The following PLXNB1 variants were observed in gnomAD, a reference collection of about 807,000 sequenced individuals.
PLXNB1 encodes plexin B1.
A neutral mutation model predicts 209.4 loss-of-function variants in PLXNB1; 106 were observed. The ratio of observed to expected loss-of-function variants is 0.51; its 90% CI spans 0.43 to 0.59. The LOEUF (loss-of-function observed/expected upper bound fraction) is 0.59, where lower values mean the gene tolerates loss of function less well. Among genes scored for constraint, PLXNB1 ranks in the 20% least tolerant of loss-of-function variants. The pLI is 0.00. For missense variants in PLXNB1, 2,357 were observed against 2,853.2 expected (o/e 0.83, Z 3.96); for synonymous variants, 1,167 against 1,183.2 (o/e 0.99, Z 0.28).
rs762999242 is a variant in PLXNB1, at chr3:48,412,561, T to A, written c.4914A>T (p.Ala1638=). The A allele has an allele frequency of 9.3e-6, 15 of 1,613,492 alleles. No individual in the cohort carries two copies. The African/African-American group carries it at 1.9e-4, about 20-fold the overall frequency. Residue 1638 remains alanine, a synonymous_variant, in exon 26 of 38, where the codon GCA becomes GCT. Coordinates refer to ENST00000296440, the MANE Select transcript of PLXNB1 (RefSeq NM_001130082.3). ...TFSARDRAYV[A]SLLTVALHGK... is the part of the protein sequence containing the mutation. ...CATGCAGTGCCACGGTGAGCAGAGATGCCACGTAGGCACGGTCCCGAGCTG... is the reference window on the plus strand; with the variant it reads ...CATGCAGTGCCACGGTGAGCAGAGAAGCCACGTAGGCACGGTCCCGAGCTG...
Position 48,406,567 on chromosome 3 carries a change from C to T in PLXNB1, c.6228+256G>A, listed in dbSNP as rs2106719503. 1.0e-6 allele frequency: 1 copy of T among 985,410 alleles called. No homozygotes were observed. The highest frequency in any genetic ancestry group is 5.2e-4 in the Middle Eastern group (1 of 1,914). The allele number at this position is 985,410 out of a possible 1,614,324, so 61.0% of individuals were successfully genotyped here. A position where few individuals can be genotyped will look rare whatever the true frequency, so the allele number is the denominator to read the frequency against. The stretch of plus-strand genomic sequence containing the variant: ...CAGGCCTGGGGCTGAATCCCAGCTA[C>T]CTTGCAAGAGCCTGGCTGAATCAGG... On this transcript the variant is annotated intron_variant, in intron 36 of 37. Transcript: ENST00000296440. The surrounding 1 kb of genome is among the most constrained non-coding windows in gnomAD (Gnocchi z 4.4).
Position 48,415,318 on chromosome 3 carries a change from T to G in PLXNB1, c.3824A>C (p.Gln1275Pro). Reference protein sequence around the residue: ...SGGREICVRGQNLDVVQTPRI... With the variant: ...SGGREICVRGPNLDVVQTPRI... ...TGGCGTCTGTACCACGTCCAGATTC[T>G]GGCCACGGACGCATATCTCACGTCC... The change falls in exon 20 of 38, where the codon CAG becomes CCG. Residue 1275 changes from glutamine to proline, a missense_variant. Gln to Pro is a moderately conservative substitution (Grantham distance 76). Transcript: ENST00000296440. This position sits in a 1 kb window ranked among gnomAD's most constrained non-coding sequence, Gnocchi z 5.0. The G allele has an allele frequency of 6.2e-7, 1 of 1,613,618 alleles. No individual in the cohort carries two copies. The highest frequency in any genetic ancestry group is 8.5e-7 in the Non-Finnish European group (1 of 1,179,996).
rs1018044914 is a variant in PLXNB1 at position 48,423,713 on chromosome 3, G to C, written c.899C>G (p.Ala300Gly). The C allele has an allele frequency of 1.5e-5, 24 of 1,613,640 alleles. No individual in the cohort carries two copies. In the East Asian group the frequency reaches 5.3e-4, roughly 36 times the overall value. The part of the protein sequence containing the change: ...GEVLFAAFSS[A>G]APPTVGRPPS... ...GGGCCGGCCCACAGTGGGGGGTGCA[G>C]CCGAGGAGAAAGCTGCAAAGAGCAC... Residue 300 changes from alanine (A) to glycine (G), a missense_variant, in exon 3 of 38, where the codon GCT (alanine) becomes GGT (glycine). This residue lies in a region of PLXNB1 where 404 missense variants were observed against 443.6 expected (regional missense o/e 0.91). Transcript: ENST00000296440.
rs781123392 is a variant in PLXNB1 at position 48,419,066 on chromosome 3, G to C, written c.2833-27C>G. On this transcript the variant is annotated intron_variant, in intron 12 of 37. Transcript: ENST00000296440. The surrounding 1 kb of genome is among the most constrained non-coding windows in gnomAD (Gnocchi z 5.7). ...TGAGGGCAGAGAACACAGCTGTTGG[G>C]CAGCTTCAGGAGCTGGGCCCAGGGA... 10 of 1,610,776 alleles carry C rather than the reference G, an allele frequency of 6.2e-6. No homozygotes were observed. The highest frequency in any genetic ancestry group is 8.5e-6 in the Non-Finnish European group (10 of 1,177,474).
rs1289999433 is a variant in PLXNB1, at chr3:48,411,815, C to G, written c.5247+48G>C. The G allele has an allele frequency of 6.3e-7, 1 of 1,597,662 alleles. No individual in the cohort carries two copies. Among genetic ancestry groups the G allele is most frequent in the East Asian group, 2.2e-5 (1 of 44,822 alleles). On this transcript the variant is annotated intron_variant, in intron 28 of 37. Transcript: ENST00000296440. The surrounding 1 kb of genome is among the most constrained non-coding windows in gnomAD (Gnocchi z 4.0). ...CACACACCCACACACTCTCCACCCTCGCCCTCACCGCACTCAGACTGCAGG... is the reference window on the plus strand; with the variant it reads ...CACACACCCACACACTCTCCACCCTGGCCCTCACCGCACTCAGACTGCAGG...
Position 48,422,953 on chromosome 3 carries a change from G to C in PLXNB1, c.1108-6C>G. The C allele has an allele frequency of 6.2e-7, 1 of 1,609,278 alleles. No individual in the cohort carries two copies. Among genetic ancestry groups the C allele is most frequent in the Non-Finnish European group, 8.5e-7 (1 of 1,176,656 alleles). On this transcript the variant is annotated splice_region_variant and splice_polypyrimidine_tract_variant and intron_variant, in intron 3 of 37. Transcript: ENST00000296440. ...GGATAAGCATCCAGGGTGTCCTATA[G>C]GCAGCAAGAAGCATCAGGAAGGCCC...
At chr3:48,428,568 A>G (rs1302574355) in intron 1 of PLXNB1, among the ~76,000 whole-genome samples, 1 of 152,224 alleles carries the variant, frequency 6.6e-6, no homozygotes, top group Non-Finnish European at 1.5e-5. Context: ...GCCATAGGAC[A>G]GCCCACATTT....
chr3:48,417,925 G>A lies in PLXNB1; in HGVS notation c.3360C>T (p.Tyr1120=), dbSNP rs370628960. The A allele has an allele frequency of 8.7e-6, 14 of 1,610,872 alleles. No homozygotes were observed. Among genetic ancestry groups the A allele is most frequent in the South Asian group, 6.6e-5 (6 of 91,000 alleles). The change falls in exon 16 of 38, where the codon TAC becomes TAT. Residue 1120 remains tyrosine, a synonymous_variant. Coordinates refer to ENST00000296440, the MANE Select transcript of PLXNB1 (RefSeq NM_001130082.3). The surrounding 1 kb of genome is among the most constrained non-coding windows in gnomAD (Gnocchi z 4.4). ...AGCCAGCTTACCTGCTGGAGACCTC[G>A]TACTCCTGGGCATCCACAGCACAGG... ...GVPCAVDAQE[Y]EVSSSLVCIT...
At chr3:48,407,838 C>G (rs2106735840) in intron 34 of PLXNB1, among the ~76,000 whole-genome samples, 1 of 152,264 alleles carries the variant, frequency 6.6e-6, no homozygotes, top group South Asian at 2.1e-4. Flanking sequence ...AGGGGAGGTA[C>G]TGGAAGGATC....
At position 48,416,876 on chromosome 3, in the gene PLXNB1, C is replaced by T. The variant is rs1364927196; in HGVS notation, c.3375-425G>A. ...TTCAGGAAAAAGAGTCCCTGAAAGC[C>T]TCTAGTCAGACAGGGAAATACAGGT... On this transcript the variant is annotated intron_variant, in intron 16 of 37. Transcript: ENST00000296440. This position sits in a 1 kb window ranked among gnomAD's most constrained non-coding sequence, Gnocchi z 4.1. 1 of 155,502 alleles carries T rather than the reference C, an allele frequency of 6.4e-6. No individual in the cohort carries two copies. The highest frequency in any genetic ancestry group is 2.4e-5 in the African/African-American group (1 of 41,564). The allele number at this position is 155,502 out of a possible 1,614,324, so 9.6% of individuals were successfully genotyped here.
At position 48,418,582 on chromosome 3, in the gene PLXNB1, G is replaced by A. The variant is rs201134235; in HGVS notation, c.2956-40C>T. 536 of 1,500,434 alleles carry A rather than the reference G, an allele frequency of 3.6e-4. 2 individuals are homozygous for A. The highest frequency in any genetic ancestry group is 3.2e-4 in the Non-Finnish European group (357 of 1,098,732). 92.9% of individuals were successfully genotyped at this position (1,500,434 alleles called of 1,614,324 possible). ...GTGGGTTCAGAGTCAAGCACTGGGG[G>A]AAGTGTCAGGCCTGGGGAGGGGTTA... On this transcript the variant is annotated intron_variant, in intron 13 of 37. Transcript: ENST00000296440. The surrounding 1 kb of genome is among the most constrained non-coding windows in gnomAD (Gnocchi z 6.6).
In PLXNB1 at chr3:48,417,823, T is replaced by C; in HGVS notation, c.3374+88A>G. The stretch of plus-strand genomic sequence containing the variant: ...AGGAACAGGGAGAGAGGGGGGCAGA[T>C]GAGCGGTGGGTGGGAGGCCCCAAGC... On this transcript the variant is annotated intron_variant, in intron 16 of 37. Coordinates refer to ENST00000296440, the MANE Select transcript of PLXNB1 (RefSeq NM_001130082.3). This position sits in a 1 kb window ranked among gnomAD's most constrained non-coding sequence, Gnocchi z 4.4. 7.3e-7 allele frequency: 1 copy of C among 1,364,780 alleles called. No individual in the cohort carries two copies. Among genetic ancestry groups the C allele is most frequent in the Non-Finnish European group, 1.0e-6 (1 of 987,010 alleles). 84.5% of individuals were successfully genotyped at this position (1,364,780 alleles called of 1,614,324 possible).
intron 1 of PLXNB1, among the ~76,000 whole-genome samples, chr3:48,427,867 C>A (rs2107040402): frequency 6.6e-6 from 1 of 152,354 alleles, no homozygotes; most frequent in East Asian, 1.9e-4. Context: ...CCCTGACAGG[C>A]ACGGCCGCTC....
In PLXNB1 at chr3:48,411,803, A is replaced by G; in HGVS notation, c.5247+60T>C. ...GTGTCCAGACCCCACACACCCACAC[A>G]CTCTCCACCCTCGCCCTCACCGCAC... On this transcript the variant is annotated intron_variant, in intron 28 of 37. Transcript: ENST00000296440. The surrounding 1 kb of genome is among the most constrained non-coding windows in gnomAD (Gnocchi z 4.0). 1 of 1,576,908 alleles carries G rather than the reference A, an allele frequency of 6.3e-7. No individual in the cohort carries two copies. Among genetic ancestry groups the G allele is most frequent in the Non-Finnish European group, 8.6e-7 (1 of 1,158,180 alleles).
Position 48,414,843 on chromosome 3 carries a change from T to G in PLXNB1, c.4165A>C (p.Thr1389Pro). ...TLQPLNPEDP[T>P]MPFRHKPGSV... Reference sequence around the variant, plus strand: ...CCAGGCTTGTGCCGGAATGGCATGGTGGGGTCCTCAGGGTTGAGTGGCTGC... The same window carrying G: ...CCAGGCTTGTGCCGGAATGGCATGGGGGGGTCCTCAGGGTTGAGTGGCTGC... Residue 1389 changes from threonine to proline, a missense_variant, in exon 21 of 38, where the codon ACC becomes CCC. Transcript: ENST00000296440. 4 of 1,613,992 alleles carry G rather than the reference T, an allele frequency of 2.5e-6. No individual in the cohort carries two copies. The highest frequency in any genetic ancestry group is 3.4e-6 in the Non-Finnish European group (4 of 1,180,008).
In PLXNB1 at chr3:48,415,904, G is replaced by C. The variant is rs1396531295; in HGVS notation, c.3617+127C>G. 95 of 1,348,452 alleles carry C rather than the reference G, an allele frequency of 7.0e-5. No individual in the cohort carries two copies. Among genetic ancestry groups the C allele is most frequent in the South Asian group, 1.1e-4 (8 of 71,468 alleles). The allele number at this position is 1,348,452 out of a possible 1,614,324, so 83.5% of individuals were successfully genotyped here. On this transcript the variant is annotated intron_variant, in intron 18 of 37. Coordinates refer to ENST00000296440, the MANE Select transcript of PLXNB1 (RefSeq NM_001130082.3). This position sits in a 1 kb window ranked among gnomAD's most constrained non-coding sequence, Gnocchi z 5.0. Reference sequence around the variant, plus strand: ...CACTCCCACCACAGCTGGCTAGGGAGGGTCTGGCCACTCTCTGAAGGAGCA... The same window carrying C: ...CACTCCCACCACAGCTGGCTAGGGACGGTCTGGCCACTCTCTGAAGGAGCA...
At position 48,412,614 on chromosome 3, in the gene PLXNB1, G is replaced by A; in HGVS notation, c.4861C>T (p.His1621Tyr). Residue 1621 changes from histidine (H) to tyrosine (Y), a missense_variant, in exon 26 of 38, where the codon CAC becomes TAC. Transcript: ENST00000296440. Reference protein sequence around the residue: ...NSKLFLTKFIHTLESQRTFSA... With the variant: ...NSKLFLTKFIYTLESQRTFSA... ...AAGGTGCGCTGGCTCTCCAGCGTGT[G>A]GATGAACTGCAGCCAAAGAGAAGGG... The A allele has an allele frequency of 6.2e-7, 1 of 1,613,310 alleles. No individual in the cohort carries two copies. The highest frequency in any genetic ancestry group is 1.1e-5 in the South Asian group (1 of 91,064).
chr3:48,419,693 T>G lies in PLXNB1; in HGVS notation c.2593A>C (p.Thr865Pro), dbSNP rs1301408171. The change falls in exon 11 of 38, where the codon ACT becomes CCT. Residue 865 changes from threonine to proline, a missense_variant. Transcript: ENST00000296440. This position sits in a 1 kb window ranked among gnomAD's most constrained non-coding sequence, Gnocchi z 5.7. ...WTGGDAPAFS[T>P]STLLSGDGDS... Reference sequence around the variant, plus strand: ...CCATCACCTGAGAGGAGGGTGGAAGTGGAGAAGGCGGGTGCGTCACCCCCC... The same window carrying G: ...CCATCACCTGAGAGGAGGGTGGAAGGGGAGAAGGCGGGTGCGTCACCCCCC... 3 of 1,612,250 alleles carry G rather than the reference T, an allele frequency of 1.9e-6. No homozygotes were observed. The highest frequency in any genetic ancestry group is 2.5e-6 in the Non-Finnish European group (3 of 1,179,900).
In PLXNB1 at chr3:48,405,563, C is replaced by T. The variant is rs1003133758; in HGVS notation, c.6303+161G>A. 2.6e-5 allele frequency among the ~76,000 whole-genome samples: 4 copies of T among 152,138 alleles called. No homozygotes were observed. Among genetic ancestry groups the T allele is most frequent in the Admixed American group, 2.6e-4 (4 of 15,278 alleles). ...AGAGCACAGCCAATGCCAGGAAGCC[C>T]GCCTGGAAAACACTTCTCAAGCCAC... On this transcript the variant is annotated intron_variant, in intron 37 of 37. Transcript: ENST00000296440. The surrounding 1 kb of genome is among the most constrained non-coding windows in gnomAD (Gnocchi z 5.0).
Sources: allele counts gnomAD v4.1 joint callset (sites outside exome capture counted in the v4.1 genomes callset), GRCh38; gene constraint gnomAD v4.1.1; regional missense constraint gnomAD v4.1.1; non-coding constraint Gnocchi (gnomAD v3.1); transcripts MANE v1.5; gene names NCBI Gene and HGNC (gene_info 2026-07-23, HGNC 2026-07-21).